The following HDGFL1 variants were observed in gnomAD, a reference collection of about 807,000 sequenced individuals.
HDGFL1 encodes the protein hepatoma-derived growth factor-like protein 1.
For missense variants in HDGFL1, 422 were observed against 365.3 expected (o/e 1.16, Z -1.27); for synonymous variants, 190 against 165.1 (o/e 1.15, Z -1.16).
chr6:22,569,588 G>T lies in HDGFL1; in HGVS notation c.13G>T (p.Gly5Cys). The stretch of plus-strand genomic sequence containing the variant: ...CGCAGAACCAGCTATGTCGGCCTAC[G>T]GCATGCCCATGTACAAGAGCGGGGA... MSAY[G>C]MPMYKSGDLV... The change falls in exon 1 of 1, where the codon GGC (glycine) becomes TGC (cysteine). Residue 5 changes from glycine (G) to cysteine (C), a missense_variant. Physicochemically the swap from Gly to Cys is radical, Grantham distance 159. Transcript: ENST00000510882. The T allele has an allele frequency of 1.2e-6, 2 of 1,613,672 alleles. No homozygotes were observed.
At chr6:22,569,766 AG>A in the HDGFL1 span, 1 of 1,614,112 alleles carries the variant, frequency 6.2e-7, no homozygotes, top group Non-Finnish European at 8.5e-7. Context: ...GAGTGCAAGG[AG>A]AAGTTCGGCA....
At position 22,569,655 on chromosome 6, in the gene HDGFL1, C is replaced by G. The variant is rs145188884; in HGVS notation, c.80C>G (p.Ala27Gly). The G allele has an allele frequency of 1.2e-6, 2 of 1,614,184 alleles. No individual in the cohort carries two copies. The change falls in exon 1 of 1, where the codon GCG becomes GGG. Residue 27 changes from alanine to glycine, a missense_variant. Ala to Gly is a moderately conservative substitution (Grantham distance 60, BLOSUM62 0). Coordinates refer to ENST00000510882, the MANE Select transcript of HDGFL1 (RefSeq NM_138574.4). The part of the protein sequence containing the change: ...AKLKGYAHWP[A>G]RIEHMTQPNR... The stretch of plus-strand genomic sequence containing the variant: ...TTAAAGGGCTATGCCCACTGGCCGG[C>G]GAGGATAGAGCACATGACCCAGCCC...
chr6:22,570,516 C>T lies in HDGFL1; in HGVS notation c.*185C>T, dbSNP rs910129991. 4.1e-6 allele frequency: 2 copies of T among 488,808 alleles called. No individual in the cohort carries two copies. Among genetic ancestry groups the T allele is most frequent in the African/African-American group, 2.0e-5 (1 of 49,296 alleles). 30.3% of individuals were successfully genotyped at this position (488,808 alleles called of 1,614,324 possible). ...AGGCCACCTGACTCTCACCTCTGTG[C>T]CCCCACGCCTCTGTGATCTGAGTCA... On this transcript the variant is annotated 3_prime_UTR_variant, in exon 1 of 1. Transcript: ENST00000510882.
In HDGFL1 at chr6:22,569,989, T is replaced by G; in HGVS notation, c.414T>G (p.Thr138=). Residue 138 remains threonine (T), a synonymous_variant, in exon 1 of 1, where the codon ACT becomes ACG. Transcript: ENST00000510882. Reference sequence around the variant, plus strand: ...GGAAGCCGGACGACGACAAGCCCACTGAGGAGGAGAAGGGGCCGCTGAAGA... The same window carrying G: ...GGAAGCCGGACGACGACAAGCCCACGGAGGAGGAGAAGGGGCCGCTGAAGA... ...ELGKPDDDKP[T]EEEKGPLKRS... 1 of 1,548,498 alleles carries G rather than the reference T, an allele frequency of 6.5e-7. No homozygotes were observed. The highest frequency in any genetic ancestry group is 8.7e-7 in the Non-Finnish European group (1 of 1,146,862).
Position 22,571,069 on chromosome 6 carries a change from G to C in HDGFL1, c.*738G>C, listed in dbSNP as rs962669060. The C allele has an allele frequency of 3.0e-5, 5 of 167,010 alleles. No individual in the cohort carries two copies. Among genetic ancestry groups the C allele is most frequent in the African/African-American group, 1.2e-4 (5 of 41,430 alleles). 10.3% of individuals were successfully genotyped at this position (167,010 alleles called of 1,614,324 possible). A position where few individuals can be genotyped will look rare whatever the true frequency, so the allele number is the denominator to read the frequency against. ...AAAACTTAACTTTGCCCAATATCCTGGTTGGGGACCGTGAGAAATATCTGT... is the reference window on the plus strand; with the variant it reads ...AAAACTTAACTTTGCCCAATATCCTCGTTGGGGACCGTGAGAAATATCTGT... On this transcript the variant is annotated 3_prime_UTR_variant, in exon 1 of 1. Coordinates refer to ENST00000510882, the MANE Select transcript of HDGFL1 (RefSeq NM_138574.4).
rs1760878852 is a variant in HDGFL1 at position 22,569,666 on chromosome 6, C to T, written c.91C>T (p.His31Tyr). 1 of 1,614,166 alleles carries T rather than the reference C, an allele frequency of 6.2e-7. No homozygotes were observed. Among genetic ancestry groups the T allele is most frequent in the Non-Finnish European group, 8.5e-7 (1 of 1,180,032 alleles). Residue 31 changes from histidine (H) to tyrosine (Y), a missense_variant, in exon 1 of 1, where the codon CAC becomes TAC. Transcript: ENST00000510882. ...TGCCCACTGGCCGGCGAGGATAGAG[C>T]ACATGACCCAGCCCAACCGCTACCA... is the stretch of plus-strand genomic sequence containing the variant. ...GYAHWPARIE[H>Y]MTQPNRYQVF...
rs771189035 is a variant in HDGFL1 at position 22,570,129 on chromosome 6, C to A, written c.554C>A (p.Ala185Glu). The change falls in exon 1 of 1, where the codon GCG (alanine) becomes GAG (glutamate). Residue 185 changes from alanine to glutamate, a missense_variant. Ala to Glu is a moderately radical substitution (Grantham distance 107). Transcript: ENST00000510882. ...GCGGAAGCGGAGAGGGCGGCGGCGG[C>A]GGCGGCGGCGACGGCCGTCGACGAG... is the stretch of plus-strand genomic sequence containing the variant. ...RAAEAERAAA[A>E]AAATAVDEES... 2 of 1,526,412 alleles carry A rather than the reference C, an allele frequency of 1.3e-6. No homozygotes were observed. The highest frequency in any genetic ancestry group is 1.8e-6 in the Non-Finnish European group (2 of 1,137,206). The allele number at this position is 1,526,412 out of a possible 1,614,324, so 94.6% of individuals were successfully genotyped here. A position where few individuals can be genotyped will look rare whatever the true frequency, so the allele number is the denominator to read the frequency against.
Position 22,570,010 on chromosome 6 carries a change from G to T in HDGFL1, c.435G>T (p.Leu145=). 6.5e-7 allele frequency: 1 copy of T among 1,548,286 alleles called. No homozygotes were observed. The highest frequency in any genetic ancestry group is 8.7e-7 in the Non-Finnish European group (1 of 1,146,792). Residue 145 remains leucine, a synonymous_variant, in exon 1 of 1, where the codon CTG becomes CTT. Transcript: ENST00000510882. Reference sequence around the variant, plus strand: ...CCACTGAGGAGGAGAAGGGGCCGCTGAAGAGGAGCGCGGGGGACCCGCCGG... The same window carrying T: ...CCACTGAGGAGGAGAAGGGGCCGCTTAAGAGGAGCGCGGGGGACCCGCCGG... ...DKPTEEEKGP[L]KRSAGDPPED... is the part of the protein sequence containing the mutation.
rs1760908062 is a variant in HDGFL1, at chr6:22,570,593, G to A, written c.*262G>A. On this transcript the variant is annotated 3_prime_UTR_variant, in exon 1 of 1. Transcript: ENST00000510882. ...AGTGAGGCCACCATCCCAGCTTCCG[G>A]CTCCCTCTTCTCCCCCCTCTACCCG... is the stretch of plus-strand genomic sequence containing the variant. 2 of 395,600 alleles carry A rather than the reference G, an allele frequency of 5.1e-6. No homozygotes were observed. The allele number at this position is 395,600 out of a possible 1,614,324, so 24.5% of individuals were successfully genotyped here. A position where few individuals can be genotyped will look rare whatever the true frequency, so the allele number is the denominator to read the frequency against.
rs968484120 is a variant in HDGFL1 at position 22,570,304 on chromosome 6, G to C, written c.729G>C (p.Pro243=). The change falls in exon 1 of 1, where the codon CCG becomes CCC. Residue 243 remains proline, a synonymous_variant. Transcript: ENST00000510882. The part of the protein sequence containing the change: ...EASQEWHAEA[P]GGGDRDSL ...CCCAGGAGTGGCATGCCGAGGCACC[G>C]GGCGGCGGAGATCGCGACAGCCTGT... 1 of 1,489,596 alleles carries C rather than the reference G, an allele frequency of 6.7e-7. No homozygotes were observed. The highest frequency in any genetic ancestry group is 2.5e-5 in the Admixed American group (1 of 40,686). The allele number at this position is 1,489,596 out of a possible 1,614,324, so 92.3% of individuals were successfully genotyped here. A position where few individuals can be genotyped will look rare whatever the true frequency, so the allele number is the denominator to read the frequency against.
chr6:22,570,999 T>A lies in HDGFL1; in HGVS notation c.*668T>A, dbSNP rs2113627228. ...CCAGGAAGTTCTGGGAGTTGCCGTTTTTCATCAAAACGTTTGGGGGCTTCC... is the reference window on the plus strand; with the variant it reads ...CCAGGAAGTTCTGGGAGTTGCCGTTATTCATCAAAACGTTTGGGGGCTTCC... On this transcript the variant is annotated 3_prime_UTR_variant, in exon 1 of 1. Coordinates refer to ENST00000510882, the MANE Select transcript of HDGFL1 (RefSeq NM_138574.4). The A allele has an allele frequency of 6.0e-6, 1 of 167,084 alleles. No homozygotes were observed. Among genetic ancestry groups the A allele is most frequent in the East Asian group, 1.9e-4 (1 of 5,132 alleles). The allele number at this position is 167,084 out of a possible 1,614,324, so 10.4% of individuals were successfully genotyped here. A position where few individuals can be genotyped will look rare whatever the true frequency, so the allele number is the denominator to read the frequency against.
At position 22,570,504 on chromosome 6, in the gene HDGFL1, C is replaced by A; in HGVS notation, c.*173C>A. ...CCCCAGGATGGCAGGCCACCTGACT[C>A]TCACCTCTGTGCCCCCACGCCTCTG... is the stretch of plus-strand genomic sequence containing the variant. On this transcript the variant is annotated 3_prime_UTR_variant, in exon 1 of 1. Coordinates refer to ENST00000510882, the MANE Select transcript of HDGFL1 (RefSeq NM_138574.4). 1 of 552,394 alleles carries A rather than the reference C, an allele frequency of 1.8e-6. No individual in the cohort carries two copies. Among genetic ancestry groups the A allele is most frequent in the Non-Finnish European group, 3.0e-6 (1 of 335,920 alleles). 34.2% of individuals were successfully genotyped at this position (552,394 alleles called of 1,614,324 possible).
In HDGFL1 at chr6:22,570,018, G is replaced by T; in HGVS notation, c.443G>T (p.Ser148Ile). The change falls in exon 1 of 1, where the codon AGC (serine) becomes ATC (isoleucine). Residue 148 changes from serine to isoleucine, a missense_variant. Coordinates refer to ENST00000510882, the MANE Select transcript of HDGFL1 (RefSeq NM_138574.4). ...TEEEKGPLKR[S>I]AGDPPEDAPK... The stretch of plus-strand genomic sequence containing the variant: ...GAGGAGAAGGGGCCGCTGAAGAGGA[G>T]CGCGGGGGACCCGCCGGAGGACGCC... 2 of 1,547,746 alleles carry T rather than the reference G, an allele frequency of 1.3e-6. No homozygotes were observed. Among genetic ancestry groups the T allele is most frequent in the Non-Finnish European group, 8.7e-7 (1 of 1,146,524 alleles).
chr6:22,570,143 GCCGT>G, the HDGFL1 span: 1 of 1,539,738 alleles, frequency 6.5e-7, no homozygotes, highest in East Asian at 2.3e-5. Flanking sequence ...GGCGGCGACG[GCCGT>G]CGACGAGGAG....
chr6:22,570,483 AG>A lies in HDGFL1; in HGVS notation c.*154del. 1 of 717,086 alleles carries A rather than the reference AG, an allele frequency of 1.4e-6. No individual in the cohort carries two copies. Among genetic ancestry groups the A allele is most frequent in the South Asian group, 3.9e-5 (1 of 25,928 alleles). The allele number at this position is 717,086 out of a possible 1,614,324, so 44.4% of individuals were successfully genotyped here. On this transcript the variant is annotated 3_prime_UTR_variant, in exon 1 of 1. Coordinates refer to ENST00000510882, the MANE Select transcript of HDGFL1 (RefSeq NM_138574.4). ...GCGCTCCTTTGCCCTGCCGGGCCCC[AG>A]GATGGCAGGCCACCTGACTCTCACC... is the stretch of plus-strand genomic sequence containing the variant.
At position 22,569,585 on chromosome 6, in the gene HDGFL1, T is replaced by C. The variant is rs776082078; in HGVS notation, c.10T>C (p.Tyr4His). ...GTCCGCAGAACCAGCTATGTCGGCCTACGGCATGCCCATGTACAAGAGCGG... is the reference window on the plus strand; with the variant it reads ...GTCCGCAGAACCAGCTATGTCGGCCCACGGCATGCCCATGTACAAGAGCGG... MSA[Y>H]GMPMYKSGDL... is the part of the protein sequence containing the mutation. Residue 4 changes from tyrosine to histidine, a missense_variant, in exon 1 of 1, where the codon TAC (tyrosine) becomes CAC (histidine). Physicochemically the swap from Tyr to His is moderately conservative, Grantham distance 83. Coordinates refer to ENST00000510882, the MANE Select transcript of HDGFL1 (RefSeq NM_138574.4). The C allele has an allele frequency of 1.1e-5, 17 of 1,613,438 alleles. No homozygotes were observed. The South Asian group carries it at 1.9e-4, about 18-fold the overall frequency.
rs370846969 is a variant in HDGFL1, at chr6:22,570,112, G to A, written c.537G>A (p.Ala179=). The A allele has an allele frequency of 6.2e-4, 957 of 1,535,492 alleles. 4 individuals carry two copies. The highest frequency in any genetic ancestry group is 4.7e-3 in the Middle Eastern group (21 of 4,500). Residue 179 remains alanine (A), a synonymous_variant, in exon 1 of 1, where the codon GCG becomes GCA. Transcript: ENST00000510882. ...EEAEAERAAE[A]ERAAAAAAAT... is the part of the protein sequence containing the mutation. ...CGGAGGCGGAGAGGGCGGCGGAAGCGGAGAGGGCGGCGGCGGCGGCGGCGG... is the reference window on the plus strand; with the variant it reads ...CGGAGGCGGAGAGGGCGGCGGAAGCAGAGAGGGCGGCGGCGGCGGCGGCGG...
At position 22,570,117 on chromosome 6, in the gene HDGFL1, G is replaced by A; in HGVS notation, c.542G>A (p.Arg181Lys). Residue 181 changes from arginine (R) to lysine (K), a missense_variant, in exon 1 of 1, where the codon AGG (arginine) becomes AAG (lysine). Arg to Lys is a conservative substitution (Grantham distance 26). Coordinates refer to ENST00000510882, the MANE Select transcript of HDGFL1 (RefSeq NM_138574.4). ...GCGGAGAGGGCGGCGGAAGCGGAGA[G>A]GGCGGCGGCGGCGGCGGCGGCGACG... ...AEAERAAEAE[R>K]AAAAAAATAV... 1 of 1,529,932 alleles carries A rather than the reference G, an allele frequency of 6.5e-7. No homozygotes were observed. Among genetic ancestry groups the A allele is most frequent in the Non-Finnish European group, 8.8e-7 (1 of 1,139,760 alleles). 94.8% of individuals were successfully genotyped at this position (1,529,932 alleles called of 1,614,324 possible).
chr6:22,570,435 C>G lies in HDGFL1; in HGVS notation c.*104C>G. On this transcript the variant is annotated 3_prime_UTR_variant, in exon 1 of 1. Coordinates refer to ENST00000510882, the MANE Select transcript of HDGFL1 (RefSeq NM_138574.4). The stretch of plus-strand genomic sequence containing the variant: ...CAAACTGGGACTGCCTTTCCCTCTC[C>G]TCAGCCCGTCCTCCTCCAACCCGCG... 4 of 1,241,408 alleles carry G rather than the reference C, an allele frequency of 3.2e-6. No individual in the cohort carries two copies. Among genetic ancestry groups the G allele is most frequent in the Non-Finnish European group, 4.3e-6 (4 of 937,446 alleles). 76.9% of individuals were successfully genotyped at this position (1,241,408 alleles called of 1,614,324 possible). A position where few individuals can be genotyped will look rare whatever the true frequency, so the allele number is the denominator to read the frequency against.
Sources: allele counts gnomAD v4.1 joint callset, GRCh38; gene constraint gnomAD v4.1.1; transcripts MANE v1.5; gene names NCBI Gene and HGNC (gene_info 2026-07-23, HGNC 2026-07-21).